SLC35F1: variants seen among roughly 807,000 people sequenced by gnomAD.
SLC35F1 encodes chromosome 6 open reading frame 169.
SLC35F1 carries 14 observed loss-of-function variants against 48.7 expected under a neutral mutation model. The observed-to-expected ratio is 0.29, with a 90% CI of 0.19 to 0.45. The LOEUF is 0.45. Ranked by LOEUF, SLC35F1 falls within the 20% of genes least tolerant of loss-of-function variation. The probability of loss-of-function intolerance (pLI) is 1.00; values close to 1 mark genes in which losing one functional copy is unlikely to be tolerated. For missense variants in SLC35F1, 404 were observed against 500.0 expected (o/e 0.81, Z 1.83); for synonymous variants, 190 against 202.2 (o/e 0.94, Z 0.51).
chr6:118,288,006 T>A (rs1341918584), intron 7 of SLC35F1, among the ~76,000 whole-genome samples: 1 of 87,114 alleles, frequency 1.1e-5, no homozygotes, highest in Non-Finnish European at 2.5e-5. Context: ...ACAGCAATGA[T>A]TTGGGTTTTT....
intron 3 of SLC35F1, among the ~76,000 whole-genome samples, chr6:118,261,722 G>A (rs956364569): frequency 6.6e-6 from 1 of 152,154 alleles, no homozygotes; most frequent in African/African-American, 2.4e-5. Context: ...GGTTCCCTTG[G>A]ATATTGAAGG....
At chr6:118,262,864 A>G (rs1284655109) in intron 3 of SLC35F1, among the ~76,000 whole-genome samples, 1 of 151,882 alleles carries the variant, frequency 6.6e-6, no homozygotes, top group Admixed American at 6.6e-5. Context: ...AGGCAGGAGG[A>G]TTGCTTGAGC....
chr6:117,966,287 C>T (rs767096067), intron 1 of SLC35F1, among the ~76,000 whole-genome samples: 7 of 152,274 alleles, frequency 4.6e-5, no homozygotes, highest in Non-Finnish European at 1.0e-4. Flanking sequence ...GTAACACTCA[C>T]GGCAAAGGTC....
intron 6 of SLC35F1, among the ~76,000 whole-genome samples, chr6:118,284,078 TA>T (rs1231370166): frequency 1.3e-5 from 2 of 152,204 alleles, no homozygotes; most frequent in African/African-American, 4.8e-5. Flanking sequence ...TTTGTGCCCT[TA>T]AGCACTTTTC....
intron 7 of SLC35F1, among the ~76,000 whole-genome samples, chr6:118,306,197 G>A (rs1359919547): frequency 7.7e-6 from 1 of 129,076 alleles, no homozygotes; most frequent in African/African-American, 2.6e-5. Flanking sequence ...TTAACTTTCA[G>A]TGCATGGAAC....
chr6:118,200,646 G>C (rs1201971978), intron 2 of SLC35F1, among the ~76,000 whole-genome samples: 1 of 152,092 alleles, frequency 6.6e-6, no homozygotes, highest in East Asian at 1.9e-4. Context: ...GGACCAGGAG[G>C]GCCTCACAAG....
intron 2 of SLC35F1, among the ~76,000 whole-genome samples, chr6:118,166,710 A>G (rs1341529164): frequency 6.6e-6 from 1 of 152,330 alleles, no homozygotes; most frequent in African/African-American, 2.4e-5. Context: ...TATTTACTAC[A>G]TGGAAACTTA....
chr6:118,275,759 A>C (rs1775911597), intron 5 of SLC35F1, 144 bp downstream of exon 5: 6 of 596,420 alleles, frequency 1.0e-5, no homozygotes, highest in Non-Finnish European at 1.7e-5. Context: ...CTGCCAACTC[A>C]ATATCTTTAT....
rs139471222 is a variant in SLC35F1, at chr6:118,110,942, A to G, written c.174-43503A>G. On this transcript the variant is annotated intron_variant, in intron 1 of 7. Coordinates refer to ENST00000360388, the MANE Select transcript of SLC35F1 (RefSeq NM_001029858.4). Reference sequence around the variant, plus strand: ...CCAGGGGTGTTGTTGGGCTTTGGTAAAACCCCAGGTGATTAGACTTTGGTA... The same window carrying G: ...CCAGGGGTGTTGTTGGGCTTTGGTAGAACCCCAGGTGATTAGACTTTGGTA... Among the ~76,000 whole-genome samples the G allele has an allele frequency of 2.6e-3, 399 of 152,118 alleles. 2 individuals are homozygous for G. The highest frequency in any genetic ancestry group is 9.1e-3 in the African/African-American group (379 of 41,474).
At chr6:118,112,074 C>A (rs1194701410) in intron 1 of SLC35F1, among the ~76,000 whole-genome samples, 2 of 143,302 alleles carry the variant, frequency 1.4e-5, no homozygotes, top group African/African-American at 5.4e-5. Context: ...CTTTCTTTTT[C>A]TTTATTTCTT....
At chr6:118,290,858 G>A (rs1048678440) in intron 7 of SLC35F1, among the ~76,000 whole-genome samples, 7 of 151,274 alleles carry the variant, frequency 4.6e-5, no homozygotes, top group East Asian at 3.9e-4. Context: ...ACAGTGGTGC[G>A]ATCTCGGTTC....
intron 1 of SLC35F1, among the ~76,000 whole-genome samples, chr6:118,078,352 A>G (rs1772852833): frequency 6.6e-6 from 1 of 152,104 alleles, no homozygotes. Flanking sequence ...AGAGAGGCAA[A>G]TTTACCTGTT....
intron 1 of SLC35F1, among the ~76,000 whole-genome samples, chr6:118,032,459 A>G (rs1772068267): frequency 6.6e-6 from 1 of 152,224 alleles, no homozygotes; most frequent in South Asian, 2.1e-4. Context: ...CTCTGCCTTC[A>G]AGGAAGTGGA....
chr6:118,150,086 T>C (rs1774033105), intron 1 of SLC35F1, among the ~76,000 whole-genome samples: 1 of 152,190 alleles, frequency 6.6e-6, no homozygotes, highest in Non-Finnish European at 1.5e-5. Context: ...CTCTGTGACC[T>C]TGGGCTGCTT....
At chr6:118,176,116 T>G (rs1230456152) in intron 2 of SLC35F1, among the ~76,000 whole-genome samples, 1 of 152,104 alleles carries the variant, frequency 6.6e-6, no homozygotes, top group Non-Finnish European at 1.5e-5. Context: ...TCCTTTTAGG[T>G]GATACTTACA....
chr6:118,005,841 T>A (rs1447085405), intron 1 of SLC35F1, among the ~76,000 whole-genome samples: 1 of 152,192 alleles, frequency 6.6e-6, no homozygotes, highest in African/African-American at 2.4e-5. Flanking sequence ...CTATGAATCC[T>A]CCTCTGTGCC....
At chr6:117,991,096 A>T (rs1205459998) in intron 1 of SLC35F1, among the ~76,000 whole-genome samples, 1 of 152,214 alleles carries the variant, frequency 6.6e-6, no homozygotes, top group East Asian at 1.9e-4. Flanking sequence ...AATTATTTGT[A>T]ACTGGGACCA....
At chr6:118,043,585 C>T (rs1049857640) in intron 1 of SLC35F1, among the ~76,000 whole-genome samples, 1 of 152,024 alleles carries the variant, frequency 6.6e-6, no homozygotes, top group African/African-American at 2.4e-5. Context: ...AGTAAAAGTT[C>T]AATACATATT....
chr6:118,075,829 G>A (rs376621943), intron 1 of SLC35F1, among the ~76,000 whole-genome samples: 2 of 152,294 alleles, frequency 1.3e-5, no homozygotes. Flanking sequence ...GGCTAAATGA[G>A]TTGAATCAGA....
Sources: allele counts gnomAD v4.1 joint callset (sites outside exome capture counted in the v4.1 genomes callset), GRCh38; gene constraint gnomAD v4.1.1; transcripts MANE v1.5; gene names NCBI Gene and HGNC (gene_info 2026-07-23, HGNC 2026-07-21).